PRSS55: variants seen among roughly 807,000 people sequenced by gnomAD.
PRSS55 encodes the protein probable serine protease UNQ9391/PRO34284.
In PRSS55, 41 loss-of-function variants were observed where a neutral mutation model predicts 23.6. The ratio of observed to expected loss-of-function variants is 1.74; its 90% CI spans 1.35 to 2.26. The LOEUF (loss-of-function observed/expected upper bound fraction) is 2.26, where lower values mean the gene tolerates loss of function less well. Among genes scored for constraint, PRSS55 ranks in the 30% most tolerant of loss-of-function variants. The pLI is 0.00. For missense variants in PRSS55, 669 were observed against 439.1 expected (o/e 1.52, Z -4.68); for synonymous variants, 262 against 175.5 (o/e 1.49, Z -3.90).
rs907591060 is a variant in PRSS55, at chr8:10,525,583, G to T, written c.-3G>T. ...CCCCGGGCCCACAGCACAGCCCAGG[G>T]CCATGCTCCTGTTCTCAGTGTTGCT... is the stretch of plus-strand genomic sequence containing the variant. On this transcript the variant is annotated 5_prime_UTR_variant, in exon 1 of 5. Coordinates refer to ENST00000328655, the MANE Select transcript of PRSS55 (RefSeq NM_198464.4). 5 of 1,613,778 alleles carry T rather than the reference G, an allele frequency of 3.1e-6. No individual in the cohort carries two copies. Among genetic ancestry groups the T allele is most frequent in the Non-Finnish European group, 4.2e-6 (5 of 1,179,850 alleles).
In PRSS55 at chr8:10,535,517, G is replaced by A. The variant is rs191418260; in HGVS notation, c.741+2469G>A. On this transcript the variant is annotated intron_variant, in intron 4 of 4. Coordinates refer to ENST00000328655, the MANE Select transcript of PRSS55 (RefSeq NM_198464.4). ...TGTTGGGATAACTGGCTAGCCATAT[G>A]CAGAAGATTGAAACTGGACCCTTTC... 1.1e-4 allele frequency among the ~76,000 whole-genome samples: 17 copies of A among 152,340 alleles called. No homozygotes were observed. In the East Asian group the frequency reaches 3.3e-3, roughly 29 times the overall value.
intron 3 of PRSS55, 66 bp downstream of exon 3, chr8:10,531,611 T>C: frequency 6.3e-7 from 1 of 1,585,644 alleles, no homozygotes; most frequent in African/African-American, 1.3e-5. Flanking sequence ...GGGAGGAAGC[T>C]AAGGAAGGAG....
At chr8:10,542,528 T>C (rs529942300), downstream of PRSS55, among the ~76,000 whole-genome samples, 1 of 152,172 alleles carries the variant, frequency 6.6e-6, no homozygotes, top group Admixed American at 6.5e-5. Context: ...GGTGAGTTTT[T>C]ACAATAGTTT....
At chr8:10,539,192 G>A (rs961138475), downstream of PRSS55, among the ~76,000 whole-genome samples, 7 of 152,216 alleles carry the variant, frequency 4.6e-5, no homozygotes, top group Non-Finnish European at 7.3e-5. Flanking sequence ...CAGCGGTGAT[G>A]AGAACAAAGA....
chr8:10,547,922 A>G (rs2117080822), intron 4 of PRSS55, among the ~76,000 whole-genome samples: 1 of 151,848 alleles, frequency 6.6e-6, no homozygotes, highest in East Asian at 1.9e-4. Flanking sequence ...ACACAGCTTT[A>G]CTGAACATGA....
intron 4 of PRSS55, among the ~76,000 whole-genome samples, chr8:10,537,731 C>T (rs769502268): frequency 6.6e-6 from 1 of 152,106 alleles, no homozygotes; most frequent in Admixed American, 6.5e-5. Flanking sequence ...CTATTATGTA[C>T]CCATAATAAT....
At chr8:10,533,420 C>T (rs938222749) in intron 4 of PRSS55, among the ~76,000 whole-genome samples, 2 of 152,090 alleles carry the variant, frequency 1.3e-5, no homozygotes, top group African/African-American at 4.8e-5. Context: ...CATACAAGGC[C>T]CTAGAGACCC....
downstream of PRSS55, among the ~76,000 whole-genome samples, chr8:10,542,407 C>G (rs1812681335): frequency 1.0e-5 from 1 of 97,214 alleles, no homozygotes. Context: ...GGCCTAGAAG[C>G]ACCATGCGGG....
chr8:10,529,610 G>C lies in PRSS55; in HGVS notation c.258G>C (p.Gln86His). The change falls in exon 2 of 5, where the codon CAG (glutamine) becomes CAC (histidine). Residue 86 changes from glutamine (Q) to histidine (H), a missense_variant. Coordinates refer to ENST00000328655, the MANE Select transcript of PRSS55 (RefSeq NM_198464.4). ...AGTTTCCGTGGCAGGTGAGTATTCA[G>C]GCAAGAAGTGAACCTTTCTGTGGCG... ...VGEFPWQVSIQARSEPFCGGS... is the reference protein window; with the variant it reads ...VGEFPWQVSIHARSEPFCGGS... The C allele has an allele frequency of 6.2e-7, 1 of 1,614,220 alleles. No individual in the cohort carries two copies. Among genetic ancestry groups the C allele is most frequent in the South Asian group, 1.1e-5 (1 of 91,086 alleles).
rs781716467 is a variant in PRSS55 at position 10,538,630 on chromosome 8, C to T, written c.896C>T (p.Thr299Ile). 1.2e-6 allele frequency: 2 copies of T among 1,614,140 alleles called. No individual in the cohort carries two copies. Among genetic ancestry groups the T allele is most frequent in the Non-Finnish European group, 1.7e-6 (2 of 1,180,012 alleles). The stretch of plus-strand genomic sequence containing the variant: ...TACAACCTCTGGATCGAGAAAGTGA[C>T]CCAGCTAGAGGGCAGGCCCTTCAAT... ...VNYNLWIEKVTQLEGRPFNAE... is the reference protein window; with the variant it reads ...VNYNLWIEKVIQLEGRPFNAE... The change falls in exon 5 of 5, where the codon ACC (threonine) becomes ATC (isoleucine). Residue 299 changes from threonine to isoleucine, a missense_variant. Thr to Ile is a moderately conservative substitution (Grantham distance 89). Coordinates refer to ENST00000328655, the MANE Select transcript of PRSS55 (RefSeq NM_198464.4).
At chr8:10,552,110 A>G (rs1397339864) in intron 4 of PRSS55, among the ~76,000 whole-genome samples, 1 of 152,222 alleles carries the variant, frequency 6.6e-6, no homozygotes, top group Non-Finnish European at 1.5e-5. Flanking sequence ...TCATGCTTAG[A>G]ATAAAGAATA....
downstream of PRSS55, among the ~76,000 whole-genome samples, chr8:10,543,481 T>TTTTCTTTTCTTTTCTTTTCTTTTCTTTC (rs1563547453): frequency 2.5e-4 from 5 of 19,768 alleles, no homozygotes; most frequent in African/African-American, 4.8e-4. Context: ...TCTTTCTCTC[T>TTTTCTTTTCTTTTCTTTTCTTTTCTTTC]TTTTTTTTTT....
At chr8:10,549,188 G>A (rs192727256) in intron 4 of PRSS55, among the ~76,000 whole-genome samples, 7 of 152,294 alleles carry the variant, frequency 4.6e-5, no homozygotes, top group African/African-American at 9.6e-5. Flanking sequence ...TGGAGGCGGG[G>A]GCAGATGAAG....
chr8:10,547,076 C>T (rs972751985), intron 4 of PRSS55, among the ~76,000 whole-genome samples: 2 of 152,190 alleles, frequency 1.3e-5, no homozygotes, highest in African/African-American at 4.8e-5. Context: ...GCTGGAAGAC[C>T]ACGCTCTGGC....
chr8:10,547,097 C>T (rs769168072), intron 4 of PRSS55, among the ~76,000 whole-genome samples: 3 of 152,334 alleles, frequency 2.0e-5, no homozygotes, highest in East Asian at 1.9e-4. Context: ...TTCACGGAGC[C>T]ATGACATCCC....
At chr8:10,536,630 G>A (rs1034373498) in intron 4 of PRSS55, among the ~76,000 whole-genome samples, 1 of 152,120 alleles carries the variant, frequency 6.6e-6, no homozygotes, top group Non-Finnish European at 1.5e-5. Flanking sequence ...TCCTTCGATG[G>A]TGAACTGGAT....
chr8:10,533,937 G>C (rs1420930750), intron 4 of PRSS55, among the ~76,000 whole-genome samples: 1 of 152,164 alleles, frequency 6.6e-6, no homozygotes, highest in Non-Finnish European at 1.5e-5. Context: ...TGAGAGGTGG[G>C]TACTGAAACA....
At chr8:10,535,907 C>A (rs928874068) in intron 4 of PRSS55, among the ~76,000 whole-genome samples, 1 of 152,132 alleles carries the variant, frequency 6.6e-6, no homozygotes, top group African/African-American at 2.4e-5. Flanking sequence ...GGCAGAGGGG[C>A]CGGGAGCGGT....
At chr8:10,549,923 T>G (rs1221453195) in intron 4 of PRSS55, among the ~76,000 whole-genome samples, 1 of 152,192 alleles carries the variant, frequency 6.6e-6, no homozygotes, top group Non-Finnish European at 1.5e-5. Flanking sequence ...CATTTTTATC[T>G]TTTATTTTTA....
Sources: allele counts gnomAD v4.1 joint callset (sites outside exome capture counted in the v4.1 genomes callset), GRCh38; gene constraint gnomAD v4.1.1; transcripts MANE v1.5; gene names NCBI Gene and HGNC (gene_info 2026-07-23, HGNC 2026-07-21).